Variants in RALGPS1 observed in about 807,000 individuals in gnomAD.
RALGPS1 encodes Ral GEF with PH domain and SH3 binding motif 1.
A neutral mutation model predicts 78.8 loss-of-function variants in RALGPS1; 19 were observed. That is an observed-to-expected ratio of 0.24 (90% CI 0.17 to 0.35). The LOEUF is 0.35. Among genes scored for constraint, RALGPS1 ranks in the 10% least tolerant of loss-of-function variants. RALGPS1 has a pLI of 1.00. For missense variants in RALGPS1, 454 were observed against 688.3 expected (o/e 0.66, Z 3.81); for synonymous variants, 228 against 256.3 (o/e 0.89, Z 1.06).
Position 127,091,684 on chromosome 9 carries a change from T to C in RALGPS1, c.610+22328T>C. ...ACTTTTCCTACCTGTGTAGACATCA[T>C]GATCTCTGTCCAGGGTGGTGAACTG... On this transcript the variant is annotated intron_variant, in intron 8 of 18. Transcript: ENST00000259351. The surrounding 1 kb of genome is among the most constrained non-coding windows in gnomAD (Gnocchi z 4.3). 1 of 1,613,744 alleles carries C rather than the reference T, an allele frequency of 6.2e-7. No individual in the cohort carries two copies. The highest frequency in any genetic ancestry group is 8.5e-7 in the Non-Finnish European group (1 of 1,179,910).
intron 18 of RALGPS1, among the ~76,000 whole-genome samples, chr9:127,215,825 C>T (rs2131008783): frequency 6.6e-6 from 1 of 152,328 alleles, no homozygotes; most frequent in South Asian, 2.1e-4. Flanking sequence ...CCCTAAGTGT[C>T]CATGTGTGTT....
At chr9:127,032,732 G>A (rs1473076725) in intron 4 of RALGPS1, among the ~76,000 whole-genome samples, 3 of 152,188 alleles carry the variant, frequency 2.0e-5, no homozygotes, top group Admixed American at 6.5e-5. Flanking sequence ...GCTCATGCCT[G>A]TAATCCCAGC....
intron 1 of RALGPS1, among the ~76,000 whole-genome samples, chr9:126,925,347 G>A (rs1320224394): frequency 2.0e-5 from 3 of 151,330 alleles, no homozygotes; most frequent in African/African-American, 4.9e-5. Flanking sequence ...AGGAGTTCAC[G>A]ACCAGCTTGG....
Position 127,195,210 on chromosome 9 carries a change from G to C in RALGPS1, c.1030G>C (p.Gly344Arg). 1 of 1,610,060 alleles carries C rather than the reference G, an allele frequency of 6.2e-7. No homozygotes were observed. Among genetic ancestry groups the C allele is most frequent in the Non-Finnish European group, 8.5e-7 (1 of 1,179,916 alleles). The change falls in exon 12 of 19, where the codon GGC becomes CGC. Residue 344 changes from glycine (G) to arginine (R), a missense_variant. Coordinates refer to ENST00000259351, the MANE Select transcript of RALGPS1 (RefSeq NM_014636.3). ...VPRHRKSHSL[G>R]NNMMCQLSVV... ...CAGACACAGGAAGAGCCACAGCCTAGGCAACAAGTGGGTGACTGAGCAAGC... is the reference window on the plus strand; with the variant it reads ...CAGACACAGGAAGAGCCACAGCCTACGCAACAAGTGGGTGACTGAGCAAGC...
At chr9:127,144,408 A>G (rs1484823603) in intron 8 of RALGPS1, among the ~76,000 whole-genome samples, 2 of 152,234 alleles carry the variant, frequency 1.3e-5, no homozygotes, top group Non-Finnish European at 2.9e-5. Context: ...ATAGCTAAGT[A>G]TTTATCTTAA....
chr9:126,945,027 C>T (rs545729559), intron 1 of RALGPS1, among the ~76,000 whole-genome samples: 85 of 152,320 alleles, frequency 5.6e-4, no homozygotes, highest in Admixed American at 1.6e-3. Flanking sequence ...GCTGGCACTC[C>T]CCGTGGACAT....
At chr9:127,186,183 CATG>C (rs1438760206) in intron 11 of RALGPS1, among the ~76,000 whole-genome samples, 1 of 152,138 alleles carries the variant, frequency 6.6e-6, no homozygotes, top group East Asian at 1.9e-4. Flanking sequence ...TTTTTTTCAA[CATG>C]ATATCTCGTT....
intron 14 of RALGPS1, among the ~76,000 whole-genome samples, chr9:127,199,910 A>C (rs1199395669): frequency 6.6e-6 from 1 of 152,048 alleles, no homozygotes; most frequent in East Asian, 1.9e-4. Context: ...ACACACACAC[A>C]CGTACACATG....
At chr9:127,064,784 G>A (rs1231741207) in intron 7 of RALGPS1, among the ~76,000 whole-genome samples, 2 of 152,226 alleles carry the variant, frequency 1.3e-5, no homozygotes, top group African/African-American at 4.8e-5. Flanking sequence ...TTAGGAATGA[G>A]TAAATATGCG....
intron 2 of RALGPS1, among the ~76,000 whole-genome samples, chr9:126,962,575 C>T (rs1254647542): frequency 2.6e-5 from 4 of 152,256 alleles, no homozygotes; most frequent in Non-Finnish European, 5.9e-5. Flanking sequence ...AATACCTGCC[C>T]AGTCCAGCTG....
intron 1 of RALGPS1, among the ~76,000 whole-genome samples, chr9:126,946,560 T>C (rs941712483): frequency 7.1e-6 from 1 of 140,272 alleles, no homozygotes; most frequent in African/African-American, 2.5e-5. Context: ...AAAAAAAGAT[T>C]GAGGGCTTTA....
chr9:126,943,433 G>A (rs1028723287), intron 1 of RALGPS1, among the ~76,000 whole-genome samples: 10 of 152,134 alleles, frequency 6.6e-5, no homozygotes, highest in South Asian at 6.2e-4. Flanking sequence ...GTGAACCACC[G>A]TGCCTGGCCT....
At chr9:127,190,499 T>C (rs1040194344) in intron 11 of RALGPS1, among the ~76,000 whole-genome samples, 18 of 150,926 alleles carry the variant, frequency 1.2e-4, no homozygotes, top group African/African-American at 4.4e-4. Context: ...AGGTTTTGTA[T>C]TTTTTTTTAG....
At chr9:127,192,787 GAGA>G (rs2061144146) in intron 11 of RALGPS1, among the ~76,000 whole-genome samples, 2 of 152,262 alleles carry the variant, frequency 1.3e-5, no homozygotes, top group Non-Finnish European at 2.9e-5. Flanking sequence ...GTTAGAGGAA[GAGA>G]AGGATCTCAC....
chr9:127,131,628 G>C (rs2057011010), intron 8 of RALGPS1, among the ~76,000 whole-genome samples: 1 of 152,196 alleles, frequency 6.6e-6, no homozygotes, highest in Non-Finnish European at 1.5e-5. Flanking sequence ...ACATGGGCCT[G>C]TTTGACCCGG....
At chr9:126,972,925 G>C (rs1447732178) in intron 3 of RALGPS1, among the ~76,000 whole-genome samples, 2 of 152,162 alleles carry the variant, frequency 1.3e-5, no homozygotes, top group Non-Finnish European at 2.9e-5. Context: ...AGCCAGGCAT[G>C]GTGGCGCACA....
chr9:127,049,173 C>T (rs1265991602), intron 5 of RALGPS1, among the ~76,000 whole-genome samples: 1 of 152,162 alleles, frequency 6.6e-6, no homozygotes. Flanking sequence ...TGTCATTGCA[C>T]TCTTGGGCAT....
rs113413659 is a variant in RALGPS1, at chr9:126,958,142, A to AAAAAAATATATAT, written c.-65-4082_-65-4081insAAAAATATATATA. On this transcript the variant is annotated intron_variant, in intron 1 of 18. Transcript: ENST00000259351. Reference sequence around the variant, plus strand: ...CTGTCTCTTTAAAAAAAAAAAAAAAAATATATATATATATATACACACACA... The same window carrying AAAAAAATATATAT: ...CTGTCTCTTTAAAAAAAAAAAAAAAAAAAAAATATATATATATATATATATATATACACACACA... 4.8e-3 allele frequency among the ~76,000 whole-genome samples: 369 copies of AAAAAAATATATAT among 76,754 alleles called. 1 individual carries two copies. Among genetic ancestry groups the AAAAAAATATATAT allele is most frequent in the Middle Eastern group, 0.013 (2 of 150 alleles). The allele number at this position is 76,754 out of a possible 152,430, so 50.4% of individuals were successfully genotyped here. A position where few individuals can be genotyped will look rare whatever the true frequency, so the allele number is the denominator to read the frequency against.
intron 1 of RALGPS1, among the ~76,000 whole-genome samples, chr9:126,944,038 G>C (rs2037021937): frequency 1.3e-5 from 2 of 152,246 alleles, no homozygotes; most frequent in Admixed American, 1.3e-4. Flanking sequence ...AGCTGGGTTG[G>C]AGCAGGTAAT....
Sources: allele counts gnomAD v4.1 joint callset (sites outside exome capture counted in the v4.1 genomes callset), GRCh38; gene constraint gnomAD v4.1.1; non-coding constraint Gnocchi (gnomAD v3.1); transcripts MANE v1.5; gene names NCBI Gene and HGNC (gene_info 2026-07-23, HGNC 2026-07-21).